Variants in HNRNPM observed in about 807,000 individuals in gnomAD.
The protein encoded by HNRNPM is CEA receptor.
Under a neutral mutation model 73.1 loss-of-function variants are expected in HNRNPM, and 11 were observed. The observed-to-expected ratio is 0.15, with a 90% CI of 0.09 to 0.25. HNRNPM has a LOEUF of 0.25. Ranked by LOEUF, HNRNPM falls within the 10% of genes least tolerant of loss-of-function variation. The pLI, the probability that HNRNPM is intolerant of heterozygous loss-of-function variation, is 1.00. For synonymous variants in HNRNPM, 407 were observed against 355.2 expected (o/e 1.15, Z -1.64); for missense variants, 789 against 1,067.9 (o/e 0.74, Z 3.64).
At chr19:8,452,510 G>A (rs1285172591) in intron 1 of HNRNPM, among the ~76,000 whole-genome samples, 4 of 152,188 alleles carry the variant, frequency 2.6e-5, no homozygotes, top group Admixed American at 6.5e-5. Flanking sequence ...TTCTTTTGGA[G>A]TAGACAAGTG....
At chr19:8,484,192 T>G (rs1484127385) in intron 13 of HNRNPM, among the ~76,000 whole-genome samples, 1 of 119,220 alleles carries the variant, frequency 8.4e-6, no homozygotes, top group Non-Finnish European at 1.8e-5. Context: ...TTTTTTTTTT[T>G]GAGAGACGGA....
chr19:8,482,891 C>T (rs1971019644), intron 12 of HNRNPM: 1 of 403,408 alleles, frequency 2.5e-6, no homozygotes, highest in African/African-American at 2.1e-5. Context: ...CATATGACTC[C>T]TATCTCTGCT....
chr19:8,454,684 CTT>C (rs57290220), intron 1 of HNRNPM, among the ~76,000 whole-genome samples: 29,055 of 118,356 alleles, frequency 0.25, 3,890 homozygotes, highest in East Asian at 0.5. Flanking sequence ...CCCCCCCCCC[CTT>C]TTTTTTTTTA....
rs1468964820 is a variant in HNRNPM at position 8,462,629 on chromosome 19, G to GT, written c.336+49dup. ...TCTGTGGATTTACTACATGAAAAAT[G>GT]TAACTGTATGGTGGCGTGGAATCGA... On this transcript the variant is annotated intron_variant, in intron 3 of 15. Coordinates refer to ENST00000325495, the MANE Select transcript of HNRNPM (RefSeq NM_005968.5). This position sits in a 1 kb window ranked among gnomAD's most constrained non-coding sequence, Gnocchi z 4.5. 3 of 1,414,538 alleles carry GT rather than the reference G, an allele frequency of 2.1e-6. No homozygotes were observed. The highest frequency in any genetic ancestry group is 3.0e-6 in the Non-Finnish European group (3 of 997,834). The allele number at this position is 1,414,538 out of a possible 1,614,324, so 87.6% of individuals were successfully genotyped here.
At chr19:8,464,459 C>A (rs1157433304) in intron 5 of HNRNPM, among the ~76,000 whole-genome samples, 2 of 151,954 alleles carry the variant, frequency 1.3e-5, no homozygotes, top group Non-Finnish European at 2.9e-5. Context: ...CATGGTGAAA[C>A]CCTGTCTACT....
chr19:8,465,575 C>A, intron 6 of HNRNPM, 60 bp downstream of exon 6: 1 of 1,050,298 alleles, frequency 9.5e-7, no homozygotes, highest in Non-Finnish European at 1.4e-6. Context: ...ATGACCTTGT[C>A]AATATGTTAT....
intron 9 of HNRNPM, 111 bp from the exon 10 acceptor site, chr19:8,471,209 TGGGTGG>T (rs2145694030): frequency 2.0e-6 from 1 of 492,544 alleles, no homozygotes. Context: ...AGGTCACTGG[TGGGTGG>T]GGGTGGGTAG....
intron 10 of HNRNPM, among the ~76,000 whole-genome samples, chr19:8,472,416 G>T (rs943341210): frequency 1.3e-5 from 2 of 152,102 alleles, no homozygotes; most frequent in African/African-American, 2.4e-5. Context: ...TCACCCTGGG[G>T]CTGACTTAAA....
rs199878878 is a variant in HNRNPM, at chr19:8,468,042, GA to G, written c.834+467del. Among the ~76,000 whole-genome samples the G allele has an allele frequency of 2.8e-4, 43 of 151,130 alleles. No individual in the cohort carries two copies. The South Asian group carries it at 3.6e-3, about 13-fold the overall frequency. On this transcript the variant is annotated intron_variant, in intron 8 of 15. Coordinates refer to ENST00000325495, the MANE Select transcript of HNRNPM (RefSeq NM_005968.5). Reference sequence around the variant, plus strand: ...ACTCTGTCTCAAGAAAAAAAAAGAAGAAAAAAAAACATTTTGCTCATGGCAG... The same window carrying G: ...ACTCTGTCTCAAGAAAAAAAAAGAAGAAAAAAAACATTTTGCTCATGGCAG...
At chr19:8,447,366 G>A (rs1968269749) in intron 1 of HNRNPM, among the ~76,000 whole-genome samples, 1 of 149,556 alleles carries the variant, frequency 6.7e-6, no homozygotes, top group Admixed American at 6.8e-5. Flanking sequence ...TGTATGTTAT[G>A]TATGTTATGT....
chr19:8,470,133 C>G (rs1003371318), intron 9 of HNRNPM, among the ~76,000 whole-genome samples: 2 of 152,228 alleles, frequency 1.3e-5, no homozygotes, highest in South Asian at 2.1e-4. Context: ...ATCCATGGCT[C>G]TTGGTCTCCC....
intron 12 of HNRNPM, among the ~76,000 whole-genome samples, chr19:8,479,078 CTTTTTTT>C (rs74176651): frequency 3.0e-3 from 219 of 73,836 alleles, no homozygotes; most frequent in South Asian, 4.7e-3. Flanking sequence ...TTCTTTCTTT[CTTTTTTT>C]TTTTTTTTTT....
intron 1 of HNRNPM, 52 bp downstream of exon 1, chr19:8,445,163 ACGCGGGCGG>A (rs962180534): frequency 4.8e-5 from 64 of 1,320,706 alleles, no homozygotes; most frequent in Middle Eastern, 2.1e-4. Context: ...TCCGCGGCCG[ACGCGGGCGG>A]CGGCTCCGTT....
Position 8,486,117 on chromosome 19 carries a change from G to A in HNRNPM, c.1689G>A (p.Leu563=). Residue 563 remains leucine (L), a synonymous_variant, in exon 14 of 16, where the codon CTG becomes CTA. Transcript: ENST00000325495. ...TGLERMGANN[L]ERMGLERMGA... ...TGGAGCGCATGGGCGCCAACAATCT[G>A]GAGCGGATGGGCCTGGAGCGCATGG... 1 of 1,606,176 alleles carries A rather than the reference G, an allele frequency of 6.2e-7. No homozygotes were observed. Among genetic ancestry groups the A allele is most frequent in the Non-Finnish European group, 8.5e-7 (1 of 1,179,438 alleles).
At chr19:8,460,093 C>G (rs1048703347) in intron 2 of HNRNPM, among the ~76,000 whole-genome samples, 3 of 152,110 alleles carry the variant, frequency 2.0e-5, no homozygotes, top group African/African-American at 7.2e-5. Context: ...TCACCTCTAC[C>G]CCTGAGTCCT....
intron 2 of HNRNPM, among the ~76,000 whole-genome samples, chr19:8,455,944 C>CTTTTTTTTTTTTTTTTTTTTTTT (rs369296420): frequency 7.4e-6 from 1 of 134,506 alleles, no homozygotes; most frequent in African/African-American, 2.8e-5. Context: ...CCTTTCTTTC[C>CTTTTTTTTTTTTTTTTTTTTTTT]TTTTTTTTTT....
chr19:8,483,878 A>T (rs1971089243), intron 13 of HNRNPM, among the ~76,000 whole-genome samples: 1 of 151,882 alleles, frequency 6.6e-6, no homozygotes, highest in African/African-American at 2.4e-5. Context: ...CGATTCTCCC[A>T]CTTTAGCCTC....
chr19:8,445,040 G>A lies in HNRNPM; in HGVS notation c.42G>A (p.Thr14=), dbSNP rs777596521. The A allele has an allele frequency of 7.0e-7, 1 of 1,429,424 alleles. No homozygotes were observed. The highest frequency in any genetic ancestry group is 9.1e-7 in the Non-Finnish European group (1 of 1,095,312). The allele number at this position is 1,429,424 out of a possible 1,614,324, so 88.5% of individuals were successfully genotyped here. The change falls in exon 1 of 16, where the codon ACG becomes ACA. Residue 14 remains threonine, a synonymous_variant. Transcript: ENST00000325495. Reference sequence around the variant, plus strand: ...AAGCGGCGGCGGAGGTGGCGGCGACGGAGATCAAAATGGAGGAAGAGAGCG... The same window carrying A: ...AAGCGGCGGCGGAGGTGGCGGCGACAGAGATCAAAATGGAGGAAGAGAGCG... ...GVEAAAEVAA[T]EIKMEEESGA...
At position 8,485,847 on chromosome 19, in the gene HNRNPM, C is replaced by A; in HGVS notation, c.1419C>A (p.Gly473=). 6.2e-7 allele frequency: 1 copy of A among 1,603,476 alleles called. No individual in the cohort carries two copies. The highest frequency in any genetic ancestry group is 8.5e-7 in the Non-Finnish European group (1 of 1,179,592). The change falls in exon 14 of 16, where the codon GGC becomes GGA. Residue 473 remains glycine (G), a synonymous_variant. Coordinates refer to ENST00000325495, the MANE Select transcript of HNRNPM (RefSeq NM_005968.5). The part of the protein sequence containing the change: ...DHMASSIERM[G]QTMERIGSGV... Reference sequence around the variant, plus strand: ...TGGCCTCCAGCATTGAGCGCATGGGCCAGACCATGGAGCGCATTGGCTCTG... The same window carrying A: ...TGGCCTCCAGCATTGAGCGCATGGGACAGACCATGGAGCGCATTGGCTCTG...
Sources: gnomAD v4.1 joint callset for allele counts (sites outside exome capture counted in the v4.1 genomes callset) on GRCh38, gnomAD v4.1.1 for gene constraint, Gnocchi (gnomAD v3.1) non-coding constraint, MANE v1.5 for transcripts, NCBI Gene and HGNC (gene_info 2026-07-23, HGNC 2026-07-21) for gene names.